The following SHANK2 variants were observed in gnomAD, a reference collection of about 807,000 sequenced individuals.
SHANK2 encodes the protein SH3 and multiple ankyrin repeat domains 2, also known as SH3 and multiple ankyrin repeat domains protein 2.
Under a neutral mutation model 133.7 loss-of-function variants are expected in SHANK2, and 43 were observed. The ratio of observed to expected loss-of-function variants is 0.32; its 90% CI spans 0.25 to 0.41. The LOEUF (loss-of-function observed/expected upper bound fraction) is 0.41, where lower values mean the gene tolerates loss of function less well. Among genes scored for constraint, SHANK2 ranks in the 10% least tolerant of loss-of-function variants. SHANK2 has a pLI of 1.00. For missense variants in SHANK2, 1,994 were observed against 2,235.8 expected, an observed-to-expected ratio of 0.89 and a Z score of 2.18; for synonymous variants, 1,017 against 952.8, an observed-to-expected ratio of 1.07 and a Z score of -1.24.
chr11:70,905,305 C>T (rs1481207029), intron 10 of SHANK2, among the ~76,000 whole-genome samples: 1 of 152,164 alleles, frequency 6.6e-6, no homozygotes, highest in Non-Finnish European at 1.5e-5. Flanking sequence ...TGCAAAATAC[C>T]TCCCTGGGCT....
At chr11:70,660,315 C>T (rs982192979) in intron 16 of SHANK2, among the ~76,000 whole-genome samples, 13 of 152,234 alleles carry the variant, frequency 8.5e-5, no homozygotes, top group Non-Finnish European at 1.6e-4. Context: ...CCACACAGAG[C>T]TACAGAAACA....
intron 10 of SHANK2, among the ~76,000 whole-genome samples, chr11:70,923,927 A>C (rs1447944307): frequency 6.6e-6 from 1 of 152,134 alleles, no homozygotes; most frequent in Non-Finnish European, 1.5e-5. Context: ...CATCCAGCCT[A>C]TAAGAATGCA....
chr11:70,512,953 A>G (rs1458553383), intron 17 of SHANK2, among the ~76,000 whole-genome samples: 4 of 151,580 alleles, frequency 2.6e-5, no homozygotes, highest in African/African-American at 9.7e-5. Context: ...GTTGGGGAAT[A>G]AGGTAAAGTA....
chr11:70,615,350 TC>T (rs1271044381), intron 17 of SHANK2, among the ~76,000 whole-genome samples: 3 of 152,100 alleles, frequency 2.0e-5, no homozygotes, highest in Non-Finnish European at 2.9e-5. Flanking sequence ...TGCTTTCAGT[TC>T]TTAAGAATAA....
chr11:71,085,473 T>A (rs1044036772), intron 8 of SHANK2, among the ~76,000 whole-genome samples: 107 of 125,364 alleles, frequency 8.5e-4, no homozygotes, highest in African/African-American at 2.5e-3. Context: ...TATATATATA[T>A]AATATATATG....
chr11:70,890,395 C>CT (rs1555074388), intron 11 of SHANK2, among the ~76,000 whole-genome samples: 2 of 151,330 alleles, frequency 1.3e-5, no homozygotes, highest in African/African-American at 4.9e-5. Flanking sequence ...AATCCCAGCA[C>CT]TTTGGGAGGC....
In SHANK2 at chr11:70,716,903, C is replaced by CCA. The variant is rs1555027444; in HGVS notation, c.1778-18141_1778-18140insTG. Among the ~76,000 whole-genome samples, 155 of 150,926 alleles carry CCA rather than the reference C, an allele frequency of 1.0e-3. 2 individuals are homozygous for CCA. Among genetic ancestry groups the CCA allele is most frequent in the African/African-American group, 3.4e-3 (141 of 40,898 alleles). ...CTGGACCGGGTCCCGGAGCCCCCCCCCCGCCCAACTGGACCCCTCCCAGCC... is the reference window on the plus strand; with the variant it reads ...CTGGACCGGGTCCCGGAGCCCCCCCCCACCGCCCAACTGGACCCCTCCCAGCC... On this transcript the variant is annotated intron_variant, in intron 14 of 25. Transcript: ENST00000601538.
At chr11:70,854,268 T>C (rs905130679) in intron 11 of SHANK2, among the ~76,000 whole-genome samples, 28 of 152,248 alleles carry the variant, frequency 1.8e-4, no homozygotes, top group African/African-American at 5.5e-4. Flanking sequence ...AAGGTCCTTG[T>C]TGACTGTCAT....
intron 11 of SHANK2, among the ~76,000 whole-genome samples, chr11:70,876,127 G>C (rs975955989): frequency 6.6e-6 from 1 of 151,760 alleles, no homozygotes; most frequent in Non-Finnish European, 1.5e-5. Flanking sequence ...TTGCACTCCA[G>C]CCTGGGCAAC....
intron 10 of SHANK2, among the ~76,000 whole-genome samples, chr11:70,903,184 C>T (rs1199061871): frequency 6.6e-6 from 1 of 151,972 alleles, no homozygotes; most frequent in Non-Finnish European, 1.5e-5. Context: ...CGAGACTAGC[C>T]TTCCCAACAC....
rs183527338 is a variant in SHANK2, at chr11:70,869,068, G to A, written c.1174+27433C>T. On this transcript the variant is annotated intron_variant, in intron 11 of 25. Coordinates refer to ENST00000601538, the MANE Select transcript of SHANK2 (RefSeq NM_012309.5). Reference sequence around the variant, plus strand: ...AGGTCCTAAATCCAATCCAACTGGCGTCCTTACAAGAAGAGATCAGGACAC... The same window carrying A: ...AGGTCCTAAATCCAATCCAACTGGCATCCTTACAAGAAGAGATCAGGACAC... 2.2e-4 allele frequency among the ~76,000 whole-genome samples: 34 copies of A among 152,244 alleles called. 1 individual carries two copies. The highest frequency in any genetic ancestry group is 3.4e-3 in the Middle Eastern group (1 of 294).
intron 17 of SHANK2, among the ~76,000 whole-genome samples, chr11:70,542,943 G>GC (rs1491313193): frequency 2.0e-5 from 3 of 151,750 alleles, no homozygotes; most frequent in Non-Finnish European, 2.9e-5. Context: ...CAGGAAGGGG[G>GC]CCCCCCCGGG....
intron 9 of SHANK2, among the ~76,000 whole-genome samples, chr11:71,060,940 G>A (rs1056800424): frequency 6.6e-6 from 1 of 152,242 alleles, no homozygotes; most frequent in African/African-American, 2.4e-5. Context: ...ACTAATTATT[G>A]CCATAAATAT....
intron 9 of SHANK2, among the ~76,000 whole-genome samples, chr11:71,064,300 C>G (rs1590877667): frequency 6.6e-6 from 1 of 152,192 alleles, no homozygotes; most frequent in East Asian, 1.9e-4. Context: ...ATGCGGCTGG[C>G]TGGGCAAGCT....
intron 11 of SHANK2, among the ~76,000 whole-genome samples, chr11:70,822,711 G>A (rs113615385): frequency 7.6e-6 from 1 of 131,828 alleles, no homozygotes; most frequent in African/African-American, 2.9e-5. Context: ...CAGAGGTCAT[G>A]GGGGACAGAG....
intron 17 of SHANK2, among the ~76,000 whole-genome samples, chr11:70,636,699 GTGTGT>G (rs2061101015): frequency 3.8e-5 from 2 of 52,078 alleles, no homozygotes; most frequent in Non-Finnish European, 1.1e-4. Context: ...GTGTAAGCAC[GTGTGT>G]GAACATATGT....
At chr11:70,666,431 G>A (rs1944679031) in intron 15 of SHANK2, among the ~76,000 whole-genome samples, 2 of 152,148 alleles carry the variant, frequency 1.3e-5, no homozygotes, top group African/African-American at 4.8e-5. Flanking sequence ...GGCCTTTCTG[G>A]AGACAAGAAA....
rs1012571201 is a variant in SHANK2, at chr11:71,241,374, G to A, written c.-113+11051C>T. On this transcript the variant is annotated intron_variant, in intron 1 of 25. Transcript: ENST00000601538. ...GAAACATCAAGGCAAAGCTTCCAGC[G>A]AGCGGGAAGTGCCCGGAAGCCCCGC... Among the ~76,000 whole-genome samples the A allele has an allele frequency of 2.6e-5, 4 of 151,986 alleles. No homozygotes were observed. The East Asian group carries it at 5.8e-4, about 22-fold the overall frequency.
At chr11:70,626,783 A>AG (rs1258700052) in intron 17 of SHANK2, among the ~76,000 whole-genome samples, 1 of 146,590 alleles carries the variant, frequency 6.8e-6, no homozygotes, top group Non-Finnish European at 1.6e-5. Context: ...GAGGAGTCCA[A>AG]GGTGGCCCAC....
Sources: gnomAD v4.1 joint callset for allele counts (sites outside exome capture counted in the v4.1 genomes callset) on GRCh38, gnomAD v4.1.1 for gene constraint, MANE v1.5 for transcripts, NCBI Gene and HGNC (gene_info 2026-07-23, HGNC 2026-07-21) for gene names.